PLXDC2: variants seen among roughly 807,000 people sequenced by gnomAD.
PLXDC2 encodes plexin domain containing 2.
A neutral mutation model predicts 68.9 loss-of-function variants in PLXDC2; 40 were observed. That is an observed-to-expected ratio of 0.58 (90% CI 0.45 to 0.76). The LOEUF is 0.76. PLXDC2 is among the 30% of genes least tolerant of loss of function. The pLI, the probability that PLXDC2 is intolerant of heterozygous loss-of-function variation, is 0.00. For synonymous variants in PLXDC2, 243 were observed against 234.2 expected, an observed-to-expected ratio of 1.04 and a Z score of -0.34; for missense variants, 644 against 661.9, an observed-to-expected ratio of 0.97 and a Z score of 0.30.
intron 2 of PLXDC2, among the ~76,000 whole-genome samples, chr10:20,028,120 G>T (rs1392452364): frequency 6.6e-6 from 1 of 152,170 alleles, no homozygotes; most frequent in African/African-American, 2.4e-5. Flanking sequence ...ACAGTGTGTT[G>T]CAATTTGGAC....
chr10:19,889,857 C>G (rs10827896), intron 1 of PLXDC2, among the ~76,000 whole-genome samples: 45,215 of 151,930 alleles, frequency 0.3, 6,925 homozygotes, highest in East Asian at 0.39. Flanking sequence ...TGGGTTAAGT[C>G]TTTCTCTGAA....
At chr10:20,022,328 A>G (rs781529403) in intron 2 of PLXDC2, among the ~76,000 whole-genome samples, 1 of 152,230 alleles carries the variant, frequency 6.6e-6, no homozygotes, top group Non-Finnish European at 1.5e-5. Context: ...TTAGATAGAA[A>G]TAAAGTAAAC....
chr10:19,956,823 T>C (rs761179827), intron 1 of PLXDC2, among the ~76,000 whole-genome samples: 4 of 152,220 alleles, frequency 2.6e-5, no homozygotes, highest in Non-Finnish European at 4.4e-5. Context: ...TTGAACTATG[T>C]CAATACGGGA....
chr10:19,941,752 T>C (rs1014235303), intron 1 of PLXDC2, among the ~76,000 whole-genome samples: 1 of 152,220 alleles, frequency 6.6e-6, no homozygotes. Context: ...CCATAGGTTT[T>C]CTTTTCCTTC....
rs2119408718 is a variant in PLXDC2 at position 20,285,846 on chromosome 10, T to G, written c.*6027T>G. 6.6e-6 allele frequency: 1 copy of G among 152,280 alleles called. No individual in the cohort carries two copies. Among genetic ancestry groups the G allele is most frequent in the South Asian group, 2.1e-4 (1 of 4,820 alleles). The allele number at this position is 152,280 out of a possible 1,614,324, so 9.4% of individuals were successfully genotyped here. A position where few individuals can be genotyped will look rare whatever the true frequency, so the allele number is the denominator to read the frequency against. On this transcript the variant is annotated 3_prime_UTR_variant, in exon 14 of 14. Coordinates refer to ENST00000377252, the MANE Select transcript of PLXDC2 (RefSeq NM_032812.9). ...AAGACAATCAGGGAAATCAGAAAAC[T>G]CCAGCCTCAAATGTGTCTATAATTT...
intron 4 of PLXDC2, among the ~76,000 whole-genome samples, chr10:20,081,606 A>G (rs1836559896): frequency 6.6e-6 from 1 of 152,312 alleles, no homozygotes; most frequent in Non-Finnish European, 1.5e-5. Context: ...GAGAAAAACA[A>G]CTGGAAAATC....
chr10:20,254,890 A>C (rs1835722807), intron 13 of PLXDC2, among the ~76,000 whole-genome samples: 1 of 152,222 alleles, frequency 6.6e-6, no homozygotes, highest in Admixed American at 6.5e-5. Flanking sequence ...GCTCAAGTGC[A>C]TGGCAATTGC....
At chr10:19,921,199 A>G (rs1257441519) in intron 1 of PLXDC2, among the ~76,000 whole-genome samples, 2 of 151,478 alleles carry the variant, frequency 1.3e-5, no homozygotes, top group Admixed American at 6.6e-5. Context: ...AACACTGGGC[A>G]TATGAATTTT....
intron 13 of PLXDC2, among the ~76,000 whole-genome samples, chr10:20,275,940 A>G (rs1332047195): frequency 9.0e-6 from 1 of 110,584 alleles, no homozygotes; most frequent in East Asian, 2.2e-4. Flanking sequence ...AAATTAAATT[A>G]AAAAACGGAA....
intron 6 of PLXDC2, among the ~76,000 whole-genome samples, chr10:20,158,265 T>A (rs1834242895): frequency 6.6e-6 from 1 of 152,132 alleles, no homozygotes; most frequent in African/African-American, 2.4e-5. Flanking sequence ...TTCATTGACT[T>A]TGGCACTTCA....
chr10:20,063,183 G>A (rs556981387), intron 3 of PLXDC2, among the ~76,000 whole-genome samples: 1 of 152,194 alleles, frequency 6.6e-6, no homozygotes, highest in East Asian at 1.9e-4. Context: ...TGAATAAGTG[G>A]ATGCTCATTG....
intron 1 of PLXDC2, among the ~76,000 whole-genome samples, chr10:19,848,831 G>C (rs1464143745): frequency 6.6e-6 from 1 of 151,432 alleles, no homozygotes; most frequent in Non-Finnish European, 1.5e-5. Context: ...GAGGATGGCA[G>C]GTTTTTTTAA....
chr10:20,246,560 G>T (rs1271090727), intron 13 of PLXDC2, among the ~76,000 whole-genome samples: 1 of 152,222 alleles, frequency 6.6e-6, no homozygotes, highest in South Asian at 2.1e-4. Flanking sequence ...ATGTTGGCCA[G>T]ACTGGTCTCA....
At chr10:20,262,469 A>T (rs978454488) in intron 13 of PLXDC2, among the ~76,000 whole-genome samples, 1 of 152,028 alleles carries the variant, frequency 6.6e-6, no homozygotes, top group Non-Finnish European at 1.5e-5. Flanking sequence ...GGGAGGTTAG[A>T]CTCCTGTATA....
At chr10:19,872,501 A>G (rs758487357) in intron 1 of PLXDC2, among the ~76,000 whole-genome samples, 61 of 152,350 alleles carry the variant, frequency 4.0e-4, no homozygotes, top group Non-Finnish European at 7.3e-4. Context: ...TATGTACTTG[A>G]AATGTTTCTG....
chr10:20,023,367 A>T (rs1220554899), intron 2 of PLXDC2, among the ~76,000 whole-genome samples: 4 of 152,116 alleles, frequency 2.6e-5, no homozygotes, highest in Non-Finnish European at 5.9e-5. Flanking sequence ...AGTATGTGCT[A>T]CAGTTTGAAT....
At chr10:20,012,230 G>A (rs573314982) in intron 2 of PLXDC2, among the ~76,000 whole-genome samples, 5 of 147,808 alleles carry the variant, frequency 3.4e-5, no homozygotes, top group African/African-American at 1.2e-4. Flanking sequence ...TATTCAGGGA[G>A]TTATACTTCA....
chr10:20,258,395 A>G (rs1357246133), intron 13 of PLXDC2, among the ~76,000 whole-genome samples: 1 of 152,134 alleles, frequency 6.6e-6, no homozygotes, highest in Non-Finnish European at 1.5e-5. Flanking sequence ...CAGTTACACA[A>G]AATCACTCTT....
chr10:20,053,525 C>T (rs1159249383), intron 3 of PLXDC2, among the ~76,000 whole-genome samples: 4 of 152,082 alleles, frequency 2.6e-5, no homozygotes, highest in Non-Finnish European at 1.5e-5. Context: ...AACCTAGAAA[C>T]CAGCCTGGAC....
Sources: allele counts gnomAD v4.1 joint callset (sites outside exome capture counted in the v4.1 genomes callset), GRCh38; gene constraint gnomAD v4.1.1; transcripts MANE v1.5; gene names NCBI Gene and HGNC (gene_info 2026-07-23, HGNC 2026-07-21).